The following CD79A variants were observed in gnomAD, a reference collection of about 807,000 sequenced individuals.
CD79A encodes CD79a molecule.
Under a neutral mutation model 27.4 loss-of-function variants are expected in CD79A, and 16 were observed. That is an observed-to-expected ratio of 0.58 (90% CI 0.40 to 0.89). The LOEUF is 0.89. CD79A is among the 40% of genes least tolerant of loss of function. The pLI, the probability that CD79A is intolerant of heterozygous loss-of-function variation, is 0.00. For synonymous variants in CD79A, 110 were observed against 132.7 expected (o/e 0.83, Z 1.18); for missense variants, 237 against 299.7 (o/e 0.79, Z 1.55).
chr19:41,879,139 C>A lies in CD79A; in HGVS notation c.229C>A (p.Pro77Thr), dbSNP rs1555843514. ...WRVLHGNYTW[P>T]PEFLGPGEDP... ...CGTCCTCCATGGCAACTACACGTGGCCCCCTGAGTTCTTGGGCCCGGGCGA... is the reference window on the plus strand; with the variant it reads ...CGTCCTCCATGGCAACTACACGTGGACCCCTGAGTTCTTGGGCCCGGGCGA... Residue 77 changes from proline to threonine, a missense_variant, in exon 2 of 5, where the codon CCC (proline) becomes ACC (threonine). Transcript: ENST00000221972. This position sits in a 1 kb window ranked among gnomAD's most constrained non-coding sequence, Gnocchi z 5.1. The A allele has an allele frequency of 2.2e-5, 35 of 1,613,992 alleles. No individual in the cohort carries two copies. The highest frequency in any genetic ancestry group is 2.9e-5 in the Non-Finnish European group (34 of 1,180,036).
rs781946213 is a variant in CD79A, at chr19:41,880,505, G to GAAGA, written c.499-164_499-163insAGAA. Reference sequence around the variant, plus strand: ...GGAAGGAAGGAAGGAAGGAAGGAAGGAGAACACTGGTTGTAGACTCAGAGA... The same window carrying GAAGA: ...GGAAGGAAGGAAGGAAGGAAGGAAGGAAGAAGAACACTGGTTGTAGACTCAGAGA... On this transcript the variant is annotated intron_variant, in intron 3 of 4. Transcript: ENST00000221972. Among the ~76,000 whole-genome samples, 1,337 of 146,414 alleles carry GAAGA rather than the reference G, an allele frequency of 9.1e-3. 13 individuals carry two copies. Among genetic ancestry groups the GAAGA allele is most frequent in the Middle Eastern group, 0.014 (4 of 276 alleles).
In CD79A at chr19:41,880,681, G is replaced by A; in HGVS notation, c.510G>A (p.Gln170=). The A allele has an allele frequency of 7.9e-7, 1 of 1,266,192 alleles. No individual in the cohort carries two copies. The allele number at this position is 1,266,192 out of a possible 1,614,324, so 78.4% of individuals were successfully genotyped here. ...GTLLLFRKRW[Q]NEKLGLDAGD... ...ACCCACCCCTACAGAAACGATGGCA[G>A]AACGAGAAGCTCGGGTTGGATGCCG... Residue 170 remains glutamine, a synonymous_variant, in exon 4 of 5, where the codon CAG becomes CAA. Transcript: ENST00000221972.
Position 41,879,126 on chromosome 19 carries a change from C to G in CD79A, c.216C>G (p.Gly72=). ...ANVTWWRVLH[G]NYTWPPEFLG... is the part of the protein sequence containing the mutation. Reference sequence around the variant, plus strand: ...TCACCTGGTGGCGCGTCCTCCATGGCAACTACACGTGGCCCCCTGAGTTCT... The same window carrying G: ...TCACCTGGTGGCGCGTCCTCCATGGGAACTACACGTGGCCCCCTGAGTTCT... The change falls in exon 2 of 5, where the codon GGC becomes GGG. Residue 72 remains glycine, a synonymous_variant. Coordinates refer to ENST00000221972, the MANE Select transcript of CD79A (RefSeq NM_001783.4). The surrounding 1 kb of genome is among the most constrained non-coding windows in gnomAD (Gnocchi z 5.1). 1 of 1,614,132 alleles carries G rather than the reference C, an allele frequency of 6.2e-7. No individual in the cohort carries two copies. Among genetic ancestry groups the G allele is most frequent in the Non-Finnish European group, 8.5e-7 (1 of 1,180,032 alleles).
intron 3 of CD79A, 96 bp from the exon 4 acceptor site, chr19:41,880,574 C>G: frequency 1.1e-6 from 1 of 882,442 alleles, no homozygotes; most frequent in Non-Finnish European, 1.9e-6. Context: ...ACATCTCTTA[C>G]CCTTTCTGGA....
chr19:41,879,441 T>TG lies in CD79A; in HGVS notation c.380-88dup, dbSNP rs1568801925. 8.3e-6 allele frequency: 10 copies of TG among 1,197,824 alleles called. No individual in the cohort carries two copies. The East Asian group carries it at 1.8e-4, about 21-fold the overall frequency. The allele number at this position is 1,197,824 out of a possible 1,614,324, so 74.2% of individuals were successfully genotyped here. On this transcript the variant is annotated intron_variant, in intron 2 of 4. Coordinates refer to ENST00000221972, the MANE Select transcript of CD79A (RefSeq NM_001783.4). This position sits in a 1 kb window ranked among gnomAD's most constrained non-coding sequence, Gnocchi z 5.1. ...ATTCTCCTCTGCAGAGTGGGGTCTCTGGGGGGTCTGGGGCCTTGCAGGAGG... is the reference window on the plus strand; with the variant it reads ...ATTCTCCTCTGCAGAGTGGGGTCTCTGGGGGGGTCTGGGGCCTTGCAGGAGG...
intron 3 of CD79A, 24 bp from the exon 4 acceptor site, chr19:41,880,646 C>CTGGGG: frequency 9.4e-7 from 1 of 1,069,096 alleles, no homozygotes; most frequent in South Asian, 1.3e-5. Context: ...CTCACTGAGG[C>CTGGGG]ACCCACCCCA....
chr19:41,880,457 G>GGAAGGAAGT, intron 3 of CD79A, among the ~76,000 whole-genome samples: 1 of 113,132 alleles, frequency 8.8e-6, no homozygotes. Context: ...GGAAGGGAAG[G>GGAAGGAAGT]AAGGAAGGAA....
chr19:41,879,222 C>A lies in CD79A; in HGVS notation c.312C>A (p.Tyr104Ter). The A allele has an allele frequency of 6.2e-7, 1 of 1,613,788 alleles. No homozygotes were observed. The highest frequency in any genetic ancestry group is 8.5e-7 in the Non-Finnish European group (1 of 1,179,972). ...QNVNKSHGGI[Y>*]VCRVQEGNES... ...TGAACAAGAGCCATGGGGGCATATA[C>A]GTGTGCCGGGTCCAGGAGGGCAACG... Residue 104 changes from tyrosine (Y) to a stop codon, truncating the protein, a stop_gained, in exon 2 of 5, where the codon TAC (tyrosine) becomes TAA (stop). Coordinates refer to ENST00000221972, the MANE Select transcript of CD79A (RefSeq NM_001783.4). LOFTEE classifies it high-confidence loss of function. This position sits in a 1 kb window ranked among gnomAD's most constrained non-coding sequence, Gnocchi z 5.1.
chr19:41,880,828 G>A, intron 4 of CD79A, 39 bp from the exon 5 acceptor site: 6 of 1,538,594 alleles, frequency 3.9e-6, no homozygotes, highest in Non-Finnish European at 5.3e-6. Flanking sequence ...GACCCCAGGT[G>A]TCAGGGTGCT....
At position 41,877,696 on chromosome 19, in the gene CD79A, C is replaced by T. The variant is rs187702970; in HGVS notation, c.79+313C>T. 1.5e-3 allele frequency among the ~76,000 whole-genome samples: 223 copies of T among 152,210 alleles called. No homozygotes were observed. The highest frequency in any genetic ancestry group is 0.01 in the Middle Eastern group (3 of 294). The stretch of plus-strand genomic sequence containing the variant: ...AGTTGCTCTTGACTGAGCACCAGGG[C>T]TGGGGGCAGGAAGGGGACTTAGGGG... On this transcript the variant is annotated intron_variant, in intron 1 of 4. Transcript: ENST00000221972. The surrounding 1 kb of genome is among the most constrained non-coding windows in gnomAD (Gnocchi z 4.1).
rs913803867 is a variant in CD79A at position 41,878,174 on chromosome 19, G to C, written c.79+791G>C. Among the ~76,000 whole-genome samples, 1 of 152,070 alleles carries C rather than the reference G, an allele frequency of 6.6e-6. No homozygotes were observed. The highest frequency in any genetic ancestry group is 1.5e-5 in the Non-Finnish European group (1 of 68,010). Reference sequence around the variant, plus strand: ...CAGAGACACCCCCAGTCTCCACCCCGCTCTGAGCCCCTTCAATCACCAGCA... The same window carrying C: ...CAGAGACACCCCCAGTCTCCACCCCCCTCTGAGCCCCTTCAATCACCAGCA... On this transcript the variant is annotated intron_variant, in intron 1 of 4. Transcript: ENST00000221972. This position sits in a 1 kb window ranked among gnomAD's most constrained non-coding sequence, Gnocchi z 4.3.
In CD79A at chr19:41,878,884, G is replaced by A. The variant is rs1344223849; in HGVS notation, c.80-106G>A. On this transcript the variant is annotated intron_variant, in intron 1 of 4. Coordinates refer to ENST00000221972, the MANE Select transcript of CD79A (RefSeq NM_001783.4). The surrounding 1 kb of genome is among the most constrained non-coding windows in gnomAD (Gnocchi z 4.3). ...GCTCTCTCTCTCCCTCCCCACCCAG[G>A]AGAGTCCTCACCCTCTTCCCAGGAG... is the stretch of plus-strand genomic sequence containing the variant. 8 of 876,940 alleles carry A rather than the reference G, an allele frequency of 9.1e-6. No homozygotes were observed. The highest frequency in any genetic ancestry group is 1.5e-5 in the Non-Finnish European group (8 of 551,128). 54.3% of individuals were successfully genotyped at this position (876,940 alleles called of 1,614,324 possible). A position where few individuals can be genotyped will look rare whatever the true frequency, so the allele number is the denominator to read the frequency against.
rs1555844222 is a variant in CD79A at position 41,881,238 on chromosome 19, T to C, written c.*258T>C. On this transcript the variant is annotated 3_prime_UTR_variant, in exon 5 of 5. Coordinates refer to ENST00000221972, the MANE Select transcript of CD79A (RefSeq NM_001783.4). ...CCCCGCCCCGCTGCCTTTCCCAGGC[T>C]CCCCTCACCCCAGCGGGTAATGAGC... 1 of 570,658 alleles carries C rather than the reference T, an allele frequency of 1.8e-6. No homozygotes were observed. Among genetic ancestry groups the C allele is most frequent in the African/African-American group, 1.9e-5 (1 of 53,210 alleles). The allele number at this position is 570,658 out of a possible 1,614,324, so 35.3% of individuals were successfully genotyped here.
At chr19:41,880,797 CTG>C (rs2074219718) in intron 4 of CD79A, 59 bp downstream of exon 4, 2 of 1,381,822 alleles carry the variant, frequency 1.4e-6, no homozygotes, top group Non-Finnish European at 2.0e-6. Context: ...GGTGTTCCCT[CTG>C]GGGGTGGCTG....
In CD79A at chr19:41,879,272, C is replaced by A; in HGVS notation, c.362C>A (p.Thr121Asn). ...GNESYQQSCG[T>N]YLRVRQPPPR... The stretch of plus-strand genomic sequence containing the variant: ...GAGTCATACCAGCAGTCCTGCGGCA[C>A]CTACCTCCGCGTGCGCCGTGAGTGG... The change falls in exon 2 of 5, where the codon ACC becomes AAC. Residue 121 changes from threonine to asparagine, a missense_variant. Thr to Asn is a moderately conservative substitution (Grantham distance 65). Coordinates refer to ENST00000221972, the MANE Select transcript of CD79A (RefSeq NM_001783.4). The surrounding 1 kb of genome is among the most constrained non-coding windows in gnomAD (Gnocchi z 5.1). The A allele has an allele frequency of 6.2e-7, 1 of 1,612,882 alleles. No individual in the cohort carries two copies. Among genetic ancestry groups the A allele is most frequent in the Non-Finnish European group, 8.5e-7 (1 of 1,179,968 alleles).
intron 3 of CD79A, among the ~76,000 whole-genome samples, 198 bp from the exon 4 acceptor site, chr19:41,880,472 G>GGAAA (rs1555843992): frequency 6.8e-6 from 1 of 146,780 alleles, no homozygotes; most frequent in Non-Finnish European, 1.5e-5. Flanking sequence ...AAGGAAGGAA[G>GGAAA]GAAGGAAGGA....
chr19:41,879,237 G>A lies in CD79A; in HGVS notation c.327G>A (p.Gln109=), dbSNP rs782492918. The A allele has an allele frequency of 6.8e-6, 11 of 1,613,546 alleles. No individual in the cohort carries two copies. Among genetic ancestry groups the A allele is most frequent in the Non-Finnish European group, 7.6e-6 (9 of 1,180,008 alleles). Residue 109 remains glutamine (Q), a synonymous_variant, in exon 2 of 5, where the codon CAG becomes CAA. Coordinates refer to ENST00000221972, the MANE Select transcript of CD79A (RefSeq NM_001783.4). The surrounding 1 kb of genome is among the most constrained non-coding windows in gnomAD (Gnocchi z 5.1). ...SHGGIYVCRV[Q]EGNESYQQSC... is the part of the protein sequence containing the mutation. ...GGGGCATATACGTGTGCCGGGTCCA[G>A]GAGGGCAACGAGTCATACCAGCAGT...
chr19:41,881,126 C>A lies in CD79A; in HGVS notation c.*146C>A. 1.4e-6 allele frequency: 1 copy of A among 700,528 alleles called. No homozygotes were observed. The highest frequency in any genetic ancestry group is 2.6e-6 in the Non-Finnish European group (1 of 388,666). The allele number at this position is 700,528 out of a possible 1,614,324, so 43.4% of individuals were successfully genotyped here. A position where few individuals can be genotyped will look rare whatever the true frequency, so the allele number is the denominator to read the frequency against. Reference sequence around the variant, plus strand: ...AGTGGGGGGTGGGAGGGTAACCTCACTCTTCTCCAGGCCAGGCCTCCTTGG... The same window carrying A: ...AGTGGGGGGTGGGAGGGTAACCTCAATCTTCTCCAGGCCAGGCCTCCTTGG... On this transcript the variant is annotated 3_prime_UTR_variant, in exon 5 of 5. Transcript: ENST00000221972.
intron 3 of CD79A, among the ~76,000 whole-genome samples, 165 bp from the exon 4 acceptor site, chr19:41,880,505 G>A (rs141689896): frequency 2.6e-3 from 380 of 147,108 alleles, no homozygotes; most frequent in Non-Finnish European, 3.9e-3. Context: ...AGGAAGGAAG[G>A]AGAACACTGG....
Sources: allele counts gnomAD v4.1 joint callset (sites outside exome capture counted in the v4.1 genomes callset), GRCh38; gene constraint gnomAD v4.1.1; non-coding constraint Gnocchi (gnomAD v3.1); transcripts MANE v1.5; gene names NCBI Gene and HGNC (gene_info 2026-07-23, HGNC 2026-07-21).